The following CDC20 variants were observed in gnomAD, a reference collection of about 807,000 sequenced individuals.
The protein encoded by CDC20 is cell division cycle protein 20 homolog.
CDC20 carries 34 observed loss-of-function variants against 60.0 expected under a neutral mutation model. The ratio of observed to expected loss-of-function variants is 0.57; its 90% CI spans 0.43 to 0.75. The LOEUF (loss-of-function observed/expected upper bound fraction) is 0.75, where lower values mean the gene tolerates loss of function less well. Among genes scored for constraint, CDC20 ranks in the 30% least tolerant of loss-of-function variants. The pLI is 0.00. For synonymous variants in CDC20, 198 were observed against 243.5 expected (o/e 0.81, Z 1.74); for missense variants, 469 against 647.3 (o/e 0.72, Z 2.99).
At chr1:43,362,841 G>A in intron 10 of CDC20, 110 bp from the exon 11 acceptor site, 3 of 768,838 alleles carry the variant, frequency 3.9e-6, no homozygotes, top group Non-Finnish European at 6.3e-6. Flanking sequence ...CTCCAGCCTG[G>A]GTGACAGAGC....
chr1:43,360,626 A>T (rs755704184), intron 7 of CDC20, 33 bp downstream of exon 7: 10 of 1,590,844 alleles, frequency 6.3e-6, no homozygotes, highest in Non-Finnish European at 6.9e-6. Context: ...TGGTAGTCTG[A>T]TATTTGCCCA....
At chr1:43,362,397 A>C (rs1570483656) in intron 10 of CDC20, 85 bp downstream of exon 10, 1 of 675,006 alleles carries the variant, frequency 1.5e-6, no homozygotes, top group East Asian at 2.7e-5. Flanking sequence ...CAGAGAAAAA[A>C]CACATTAATG....
rs1647180119 is a variant in CDC20, at chr1:43,363,044, G to C, written c.1415G>C (p.Cys472Ser). The change falls in exon 11 of 11, where the codon TGT becomes TCT. Residue 472 changes from cysteine (C) to serine (S), a missense_variant. Transcript: ENST00000310955. The stretch of plus-strand genomic sequence containing the variant: ...GATGAGACCCTGAGGCTATGGCGCT[G>C]TTTTGAGTTGGACCCTGCGCGGCGG... ...AADETLRLWR[C>S]FELDPARRRE... 6 of 1,613,678 alleles carry C rather than the reference G, an allele frequency of 3.7e-6. No homozygotes were observed. The Middle Eastern group carries it at 4.9e-4, about 133-fold the overall frequency.
intron 8 of CDC20, 26 bp downstream of exon 8, chr1:43,360,987 T>C (rs1647170281): frequency 6.3e-7 from 1 of 1,597,530 alleles, no homozygotes; most frequent in Middle Eastern, 1.7e-4. Flanking sequence ...CTGAAGCCTC[T>C]GCAGACCCTC....
chr1:43,359,453 G>T lies in CDC20; in HGVS notation c.182-37G>T, dbSNP rs777513413. On this transcript the variant is annotated intron_variant, in intron 2 of 10. Transcript: ENST00000310955. ...GCAGCCTTCATACTTTCTCCCTGGG[G>T]AGCCTGGTCAGACTGTCTTCTCTTT... 4 of 1,613,240 alleles carry T rather than the reference G, an allele frequency of 2.5e-6. No individual in the cohort carries two copies. In the Admixed American group the frequency reaches 5.0e-5, roughly 20 times the overall value.
chr1:43,362,492 A>G (rs200091203), intron 10 of CDC20, among the ~76,000 whole-genome samples, 180 bp downstream of exon 10: 1 of 152,226 alleles, frequency 6.6e-6, no homozygotes, highest in East Asian at 1.9e-4. Flanking sequence ...TTGTGAATAT[A>G]CTAAAAATCA....
chr1:43,359,513 A>G lies in CDC20; in HGVS notation c.205A>G (p.Thr69Ala). The change falls in exon 3 of 11, where the codon ACC becomes GCC. Residue 69 changes from threonine (T) to alanine (A), a missense_variant. This residue lies in a region of CDC20 where 115 missense variants were observed against 156.1 expected (regional missense o/e 0.74). Transcript: ENST00000310955. Reference protein sequence around the residue: ...TPGKSSSKVQTTPSKPGGDRY... With the variant: ...TPGKSSSKVQATPSKPGGDRY... ...AGGCAAATCCAGTTCCAAGGTTCAG[A>G]CCACTCCTAGCAAACCTGGCGGTGA... The G allele has an allele frequency of 1.9e-6, 3 of 1,614,044 alleles. No individual in the cohort carries two copies. The highest frequency in any genetic ancestry group is 2.2e-5 in the South Asian group (2 of 91,076).
chr1:43,360,542 G>T lies in CDC20; in HGVS notation c.797G>T (p.Ser266Ile). 1 of 1,614,148 alleles carries T rather than the reference G, an allele frequency of 6.2e-7. No individual in the cohort carries two copies. The highest frequency in any genetic ancestry group is 8.5e-7 in the Non-Finnish European group (1 of 1,179,960). ...CAGAAACGGCTTCGAAATATGACCA[G>T]TCACTCTGCCCGAGTGGGCTCCCTA... ...QQQKRLRNMT[S>I]HSARVGSLSW... The change falls in exon 7 of 11, where the codon AGT becomes ATT. Residue 266 changes from serine to isoleucine, a missense_variant. By Grantham distance (142) the Ser-to-Ile change is moderately radical. This residue lies in a region of CDC20 where 255 missense variants were observed against 326.7 expected (regional missense o/e 0.78). Transcript: ENST00000310955.
Position 43,360,719 on chromosome 1 carries a change from CT to C in CDC20, c.849-11del. ...TGCTGCCACAGAACCTGATTCCCTT[CT>C]TTCCTCCTCCAGTGGTTCACGTTCT... is the stretch of plus-strand genomic sequence containing the variant. On this transcript the variant is annotated splice_polypyrimidine_tract_variant and intron_variant, in intron 7 of 10. Coordinates refer to ENST00000310955, the MANE Select transcript of CDC20 (RefSeq NM_001255.3). The C allele has an allele frequency of 6.2e-7, 1 of 1,608,440 alleles. No homozygotes were observed. Among genetic ancestry groups the C allele is most frequent in the Non-Finnish European group, 8.5e-7 (1 of 1,175,306 alleles).
chr1:43,359,332 C>T lies in CDC20; in HGVS notation c.117C>T (p.Ala39=), dbSNP rs751424136. The change falls in exon 2 of 11, where the codon GCC becomes GCT. Residue 39 remains alanine (A), a synonymous_variant. Coordinates refer to ENST00000310955, the MANE Select transcript of CDC20 (RefSeq NM_001255.3). ...QRKAKEAAGP[A]PSPMRAANRS... is the part of the protein sequence containing the mutation. ...AAGCCAAGGAAGCCGCAGGCCCGGC[C>T]CCCTCACCCATGCGGGCCGCCAACC... 1 of 1,613,144 alleles carries T rather than the reference C, an allele frequency of 6.2e-7. No individual in the cohort carries two copies. Among genetic ancestry groups the T allele is most frequent in the South Asian group, 1.1e-5 (1 of 91,048 alleles).
intron 4 of CDC20, 71 bp downstream of exon 4, chr1:43,359,892 T>C: frequency 6.2e-7 from 1 of 1,609,652 alleles, no homozygotes; most frequent in Non-Finnish European, 8.5e-7. Context: ...CAGATATCTG[T>C]CTCCTCTTCC....
Position 43,360,915 on chromosome 1 carries a change from G to T in CDC20, c.1031G>T (p.Gly344Val). The T allele has an allele frequency of 6.2e-7, 1 of 1,614,120 alleles. No homozygotes were observed. The highest frequency in any genetic ancestry group is 8.5e-7 in the Non-Finnish European group (1 of 1,180,000). The change falls in exon 8 of 11, where the codon GGC becomes GTC. Residue 344 changes from glycine to valine, a missense_variant. Gly to Val is a moderately radical substitution (Grantham distance 109, BLOSUM62 -3). Coordinates refer to ENST00000310955, the MANE Select transcript of CDC20 (RefSeq NM_001255.3). ...TGGCCTAGTGCTCCTGGAGAGGGTG[G>T]CTGGGTTCCTCTGCAGACATTCACC... ...NVWPSAPGEGGWVPLQTFTQH... is the reference protein window; with the variant it reads ...NVWPSAPGEGVWVPLQTFTQH...
At position 43,362,279 on chromosome 1, in the gene CDC20, T is replaced by C; in HGVS notation, c.1288T>C (p.Tyr430His). The C allele has an allele frequency of 6.3e-7, 1 of 1,599,000 alleles. No homozygotes were observed. Among genetic ancestry groups the C allele is most frequent in the Non-Finnish European group, 8.6e-7 (1 of 1,166,226 alleles). Residue 430 changes from tyrosine (Y) to histidine (H), a missense_variant, in exon 10 of 11, where the codon TAC becomes CAC. This residue lies in a region of CDC20 where 20 missense variants were observed against 55.8 expected (regional missense o/e 0.36). Coordinates refer to ENST00000310955, the MANE Select transcript of CDC20 (RefSeq NM_001255.3). ...FAQNQLVIWK[Y>H]PTMAKVAELK... ...ACAGAACCAGCTAGTTATTTGGAAG[T>C]ACCCAACCATGGCCAAGGTGGCTGA...
At chr1:43,359,139 C>G (rs569249648) in intron 1 of CDC20, 28 bp from the exon 2 acceptor site, 2 of 1,496,302 alleles carry the variant, frequency 1.3e-6, no homozygotes, top group African/African-American at 2.8e-5. Flanking sequence ...TTTCTGTCCC[C>G]TGAGCACCGT....
Position 43,360,350 on chromosome 1 carries a change from C to T in CDC20, c.714C>T (p.Gly238=), listed in dbSNP as rs45476097. ...YISSVAWIKE[G]NYLAVGTSSA... is the part of the protein sequence containing the mutation. ...CCTCTGTGGCCTGGATCAAAGAGGG[C>T]AACTACTTGGCTGTGGGCACCAGCA... Residue 238 remains glycine (G), a synonymous_variant, in exon 6 of 11, where the codon GGC becomes GGT. Transcript: ENST00000310955. 150 of 1,614,190 alleles carry T rather than the reference C, an allele frequency of 9.3e-5. No homozygotes were observed. The East Asian group carries it at 3.3e-3, about 35-fold the overall frequency.
intron 9 of CDC20, among the ~76,000 whole-genome samples, chr1:43,361,492 G>A (rs1647172496): frequency 6.6e-6 from 1 of 152,126 alleles, no homozygotes; most frequent in African/African-American, 2.4e-5. Flanking sequence ...GTTCCTTCCT[G>A]TCTCACATTG....
Position 43,359,561 on chromosome 1 carries a change from G to A in CDC20, c.253G>A (p.Ala85Thr). ...GGDRYIPHRS[A>T]AQMEVASFLL... Reference sequence around the variant, plus strand: ...TGACCGCTATATCCCCCATCGCAGTGCTGCCCAGATGGAGGTGGCCAGCTT... The same window carrying A: ...TGACCGCTATATCCCCCATCGCAGTACTGCCCAGATGGAGGTGGCCAGCTT... Residue 85 changes from alanine to threonine, a missense_variant, in exon 3 of 11, where the codon GCT (alanine) becomes ACT (threonine). Coordinates refer to ENST00000310955, the MANE Select transcript of CDC20 (RefSeq NM_001255.3). The A allele has an allele frequency of 1.9e-6, 3 of 1,614,074 alleles. No homozygotes were observed. Among genetic ancestry groups the A allele is most frequent in the Non-Finnish European group, 2.5e-6 (3 of 1,180,038 alleles).
chr1:43,361,645 C>G (rs1040778388), intron 9 of CDC20, among the ~76,000 whole-genome samples: 1 of 152,186 alleles, frequency 6.6e-6, no homozygotes, highest in African/African-American at 2.4e-5. Flanking sequence ...AGTGGAGGCC[C>G]ACTACAATGG....
At chr1:43,360,637 C>T (rs1019301611) in intron 7 of CDC20, 44 bp downstream of exon 7, 3 of 1,580,482 alleles carry the variant, frequency 1.9e-6, no homozygotes, top group Non-Finnish European at 2.6e-6. Context: ...TATTTGCCCA[C>T]CCTCCCCTTG....
Sources: gnomAD v4.1 joint callset for allele counts (sites outside exome capture counted in the v4.1 genomes callset) on GRCh38, gnomAD v4.1.1 for gene constraint, gnomAD v4.1.1 regional missense constraint, MANE v1.5 for transcripts, NCBI Gene and HGNC (gene_info 2026-07-23, HGNC 2026-07-21) for gene names.